The following C10orf67 variants were observed in gnomAD, a reference collection of about 807,000 sequenced individuals.
C10orf67 encodes the protein uncharacterized protein C10orf67, mitochondrial.
Under a neutral mutation model 35.6 loss-of-function variants are expected in C10orf67, and 60 were observed. The observed-to-expected ratio is 1.68, with a 90% CI of 1.37 to 2.09. The LOEUF (loss-of-function observed/expected upper bound fraction) is 2.09. Among genes scored for constraint, C10orf67 ranks in the 30% most tolerant of loss-of-function variants. C10orf67 has a pLI of 0.00. For synonymous variants in C10orf67, 167 were observed against 115.8 expected (o/e 1.44, Z -2.84); for missense variants, 474 against 330.2 (o/e 1.44, Z -3.38).
chr10:23,315,044 TC>T (rs1844649214), intron 4 of C10orf67, among the ~76,000 whole-genome samples: 1 of 152,248 alleles, frequency 6.6e-6, no homozygotes, highest in African/African-American at 2.4e-5. Context: ...TTTTCAACTT[TC>T]CTCTGTTCTT....
At chr10:23,284,153 T>C (rs1398144630) in intron 7 of C10orf67, among the ~76,000 whole-genome samples, 1 of 150,808 alleles carries the variant, frequency 6.6e-6, no homozygotes, top group African/African-American at 2.4e-5. Context: ...CACGTGGTTA[T>C]CTGAAGGCTT....
At chr10:23,236,644 A>T (rs1842060964) in intron 13 of C10orf67, among the ~76,000 whole-genome samples, 1 of 152,068 alleles carries the variant, frequency 6.6e-6, no homozygotes, top group South Asian at 2.1e-4. Flanking sequence ...TTGGGAGCCC[A>T]AGGTGGGTGG....
Position 23,213,784 on chromosome 10 carries a change from A to G in C10orf67, c.1571-9529T>C, listed in dbSNP as rs189310557. On this transcript the variant is annotated intron_variant, in intron 15 of 15. Coordinates refer to ENST00000636213, the MANE Select transcript of C10orf67 (RefSeq NM_001371909.1). ...AATGTTATCAACCTAAAAGAAAGCA[A>G]GAAAGAATAGAAAGTAAAGCAGAAT... 2.0e-4 allele frequency among the ~76,000 whole-genome samples: 30 copies of G among 152,358 alleles called. No homozygotes were observed. In the East Asian group the frequency reaches 3.7e-3, roughly 19 times the overall value.
intron 9 of C10orf67, 138 bp from the exon 10 acceptor site, chr10:23,266,564 C>A: frequency 2.5e-6 from 1 of 395,870 alleles, no homozygotes. Context: ...TGGATTTGTT[C>A]TTGCTCCCAG....
chr10:23,269,245 C>T (rs1047653674), intron 8 of C10orf67, among the ~76,000 whole-genome samples: 3 of 152,022 alleles, frequency 2.0e-5, no homozygotes, highest in Admixed American at 6.6e-5. Flanking sequence ...ACAACTGTAA[C>T]ATGATGAATG....
chr10:23,272,106 G>A (rs1206335366), intron 8 of C10orf67, among the ~76,000 whole-genome samples: 2 of 152,150 alleles, frequency 1.3e-5, no homozygotes, highest in Non-Finnish European at 2.9e-5. Flanking sequence ...TTATAGAGAT[G>A]AAGTTTCATC....
chr10:23,234,167 T>TA (rs879674699), intron 13 of C10orf67, among the ~76,000 whole-genome samples: 3 of 152,192 alleles, frequency 2.0e-5, no homozygotes, highest in Non-Finnish European at 2.9e-5. Context: ...GCAATCCCAT[T>TA]ACTGGGCATA....
intron 10 of C10orf67, among the ~76,000 whole-genome samples, chr10:23,263,722 A>G (rs966486445): frequency 6.6e-6 from 1 of 152,242 alleles, no homozygotes; most frequent in Admixed American, 6.5e-5. Context: ...GGGTGCAACC[A>G]TAATTAACTA....
In C10orf67 at chr10:23,245,726, G is replaced by A. The variant is rs182797331; in HGVS notation, c.1346+4729C>T. 4.6e-5 allele frequency among the ~76,000 whole-genome samples: 7 copies of A among 152,328 alleles called. No individual in the cohort carries two copies. In the East Asian group the frequency reaches 1.3e-3, roughly 29 times the overall value. ...TAACAAGTGCTGGTGAGGATGTGGA[G>A]AAAAGGGAACCCTTGCACACTGTTG... On this transcript the variant is annotated intron_variant, in intron 12 of 15. Coordinates refer to ENST00000636213, the MANE Select transcript of C10orf67 (RefSeq NM_001371909.1).
At chr10:23,322,262 TAATTACC>T (rs1844985866) in intron 3 of C10orf67, 125 bp downstream of exon 3, 2 of 461,152 alleles carry the variant, frequency 4.3e-6, no homozygotes, top group African/African-American at 1.7e-4. Flanking sequence ...CTCTGTGTAT[TAATTACC>T]ACATGAGACA....
At chr10:23,232,657 G>A (rs568504447) in intron 13 of C10orf67, among the ~76,000 whole-genome samples, 3 of 152,194 alleles carry the variant, frequency 2.0e-5, no homozygotes, top group East Asian at 1.9e-4. Context: ...ATATCCCAGC[G>A]TACCTGAAAC....
chr10:23,289,934 T>C lies in C10orf67; in HGVS notation c.875A>G (p.Glu292Gly), dbSNP rs1843666831. The C allele has an allele frequency of 1.4e-6, 1 of 717,104 alleles. No homozygotes were observed. The highest frequency in any genetic ancestry group is 1.7e-5 in the African/African-American group (1 of 57,280). 44.4% of individuals were successfully genotyped at this position (717,104 alleles called of 1,614,324 possible). A position where few individuals can be genotyped will look rare whatever the true frequency, so the allele number is the denominator to read the frequency against. Residue 292 changes from glutamate to glycine, a missense_variant, in exon 7 of 16, where the codon GAG becomes GGG. Glu to Gly is a moderately conservative substitution (Grantham distance 98). Coordinates refer to ENST00000636213, the MANE Select transcript of C10orf67 (RefSeq NM_001371909.1). The stretch of plus-strand genomic sequence containing the variant: ...AGTTTTGTGATCCTTTTCTGCCATC[T>C]CTTTCATACTTATAAGTTCATCTTC... ...GLEDELISMK[E>G]MAEKDHKTIQ...
chr10:23,221,727 T>C (rs1391379909), intron 15 of C10orf67, among the ~76,000 whole-genome samples: 2 of 152,210 alleles, frequency 1.3e-5, no homozygotes, highest in Non-Finnish European at 1.5e-5. Flanking sequence ...AAAGAGAAGA[T>C]TCATTTACTC....
chr10:23,209,565 G>GAGA (rs754470623), intron 15 of C10orf67, among the ~76,000 whole-genome samples: 2 of 152,170 alleles, frequency 1.3e-5, no homozygotes, highest in Non-Finnish European at 2.9e-5. Context: ...GGAGGAAGAG[G>GAGA]AGAAGGATGA....
chr10:23,296,142 G>T (rs1036242104), intron 5 of C10orf67, among the ~76,000 whole-genome samples: 2 of 151,746 alleles, frequency 1.3e-5, no homozygotes, highest in African/African-American at 4.8e-5. Context: ...TAACTTTTCA[G>T]ATTTTCCTGT....
chr10:23,329,746 G>T (rs1845358362), intron 2 of C10orf67, among the ~76,000 whole-genome samples: 2 of 122,810 alleles, frequency 1.6e-5, no homozygotes, highest in Admixed American at 2.2e-4. Context: ...GTCACAGTGA[G>T]TTATGATTGT....
chr10:23,215,299 T>C (rs906026272), intron 15 of C10orf67, among the ~76,000 whole-genome samples: 5 of 146,946 alleles, frequency 3.4e-5, no homozygotes, highest in Non-Finnish European at 6.1e-5. Flanking sequence ...AGAGATATCT[T>C]TTTTTTTTTT....
chr10:23,243,963 C>T (rs1028673586), intron 12 of C10orf67, among the ~76,000 whole-genome samples: 2 of 152,190 alleles, frequency 1.3e-5, no homozygotes, highest in Admixed American at 6.5e-5. Flanking sequence ...ATGAACAGGG[C>T]TTACGGCAGC....
intron 10 of C10orf67, among the ~76,000 whole-genome samples, chr10:23,264,335 G>C (rs186802458): frequency 4.4e-4 from 67 of 152,230 alleles, no homozygotes; most frequent in African/African-American, 1.6e-3. Flanking sequence ...TTTTAAAATT[G>C]AGCCAATTCA....
Sources: allele counts gnomAD v4.1 joint callset (sites outside exome capture counted in the v4.1 genomes callset), GRCh38; gene constraint gnomAD v4.1.1; transcripts MANE v1.5; gene names NCBI Gene and HGNC (gene_info 2026-07-23, HGNC 2026-07-21).